Variants in NRXN1 observed in about 807,000 individuals in gnomAD.
NRXN1 encodes neurexin 1.
NRXN1 carries 39 observed loss-of-function variants against 150.9 expected under a neutral mutation model. The observed-to-expected ratio is 0.26, with a 90% CI of 0.20 to 0.34. The LOEUF (loss-of-function observed/expected upper bound fraction) is 0.34. Among genes scored for constraint, NRXN1 ranks in the 10% least tolerant of loss-of-function variants. The probability of loss-of-function intolerance (pLI) is 1.00; values close to 1 mark genes in which losing one functional copy is unlikely to be tolerated. For missense variants in NRXN1, 1,815 were observed against 1,949.9 expected (o/e 0.93, Z 1.30); for synonymous variants, 924 against 757.0 (o/e 1.22, Z -3.62).
At chr2:50,881,692 T>C (rs1044590523) in intron 5 of NRXN1, among the ~76,000 whole-genome samples, 2 of 150,472 alleles carry the variant, frequency 1.3e-5, no homozygotes, top group African/African-American at 4.9e-5. Context: ...AGTGAGGAGG[T>C]TTAAATCTAT....
At chr2:50,823,761 C>T (rs67413472) in intron 5 of NRXN1, among the ~76,000 whole-genome samples, 13,590 of 152,064 alleles carry the variant, frequency 0.089, 719 homozygotes, top group Admixed American at 0.092. Context: ...TTATTTATTG[C>T]TTGATATAAG....
At chr2:50,325,462 T>G (rs769501081) in intron 17 of NRXN1, among the ~76,000 whole-genome samples, 1 of 152,212 alleles carries the variant, frequency 6.6e-6, no homozygotes, top group Non-Finnish European at 1.5e-5. Flanking sequence ...GCTGCTCTAG[T>G]GACAAGCAGT....
At chr2:50,748,089 C>G (rs374751731) in intron 5 of NRXN1, among the ~76,000 whole-genome samples, 1 of 152,184 alleles carries the variant, frequency 6.6e-6, no homozygotes, top group East Asian at 1.9e-4. Flanking sequence ...CAGCTGGGTA[C>G]TGTCCCCACG....
intron 8 of NRXN1, among the ~76,000 whole-genome samples, chr2:50,606,927 AAAAG>A: frequency 6.6e-6 from 1 of 152,262 alleles, no homozygotes; most frequent in South Asian, 2.1e-4. Flanking sequence ...TTCAAAGACA[AAAAG>A]AAAGAGTTTA....
intron 5 of NRXN1, among the ~76,000 whole-genome samples, chr2:50,624,545 T>TA (rs1474143590): frequency 6.6e-6 from 1 of 151,932 alleles, no homozygotes; most frequent in Non-Finnish European, 1.5e-5. Context: ...AATTATCTGG[T>TA]AAGGAGAAAG....
Position 50,593,915 on chromosome 2 carries a change from TA to T in NRXN1, c.1320+26106del, listed in dbSNP as rs1220269839. Among the ~76,000 whole-genome samples, 10 of 152,170 alleles carry T rather than the reference TA, an allele frequency of 6.6e-5. No individual in the cohort carries two copies. In the East Asian group the frequency reaches 1.7e-3, roughly 26 times the overall value. Reference sequence around the variant, plus strand: ...TGATACCTTAGCCTCTGAAAAGGTATAAAAAAAGGTAAAAATTGTAAAAAAG... The same window carrying T: ...TGATACCTTAGCCTCTGAAAAGGTATAAAAAAGGTAAAAATTGTAAAAAAG... On this transcript the variant is annotated intron_variant, in intron 8 of 22. Transcript: ENST00000401669.
At position 50,346,698 on chromosome 2, in the gene NRXN1, G is replaced by C. The variant is rs1448279591; in HGVS notation, c.3365-109728C>G. 1 of 1,613,238 alleles carries C rather than the reference G, an allele frequency of 6.2e-7. No homozygotes were observed. The highest frequency in any genetic ancestry group is 8.5e-7 in the Non-Finnish European group (1 of 1,179,498). ...TTGGCATCGCAGACCCACCGTGTCC[G>C]CCTCGCAAGGATGCCGGTGACCTGT... is the stretch of plus-strand genomic sequence containing the variant. On this transcript the variant is annotated intron_variant, in intron 17 of 22. Transcript: ENST00000401669. This position sits in a 1 kb window ranked among gnomAD's most constrained non-coding sequence, Gnocchi z 5.0.
intron 17 of NRXN1, among the ~76,000 whole-genome samples, chr2:50,415,286 C>G (rs1219396143): frequency 1.3e-5 from 2 of 152,050 alleles, no homozygotes; most frequent in Non-Finnish European, 2.9e-5. Context: ...ATGCACTTTC[C>G]CTTTCACAGA....
intron 18 of NRXN1, among the ~76,000 whole-genome samples, chr2:50,099,716 A>AT (rs1700748803): frequency 6.6e-6 from 1 of 152,162 alleles, no homozygotes; most frequent in Non-Finnish European, 1.5e-5. Context: ...TAGAGGATAC[A>AT]TTTTTAATGA....
At chr2:50,830,050 C>T (rs1039324545) in intron 5 of NRXN1, among the ~76,000 whole-genome samples, 1 of 127,888 alleles carries the variant, frequency 7.8e-6, no homozygotes, top group Non-Finnish European at 1.6e-5. Flanking sequence ...TTCACAAAGT[C>T]TCTGGCTGTG....
intron 8 of NRXN1, among the ~76,000 whole-genome samples, chr2:50,561,179 G>A (rs745829381): frequency 3.9e-5 from 6 of 152,204 alleles, no homozygotes; most frequent in Non-Finnish European, 5.9e-5. Flanking sequence ...AACATTAGGT[G>A]CAATCTGTAG....
At chr2:50,471,403 A>G (rs906634747) in intron 16 of NRXN1, among the ~76,000 whole-genome samples, 5 of 151,850 alleles carry the variant, frequency 3.3e-5, no homozygotes, top group African/African-American at 7.2e-5. Context: ...ATTGGCCTCC[A>G]GTTCCATCCA....
intron 17 of NRXN1, among the ~76,000 whole-genome samples, chr2:50,389,813 C>T (rs548333513): frequency 1.6e-4 from 25 of 152,080 alleles, no homozygotes; most frequent in Non-Finnish European, 3.5e-4. Context: ...ATATACATAT[C>T]GTTAAAAAAG....
At chr2:50,096,177 C>T (rs1700195714) in intron 18 of NRXN1, among the ~76,000 whole-genome samples, 1 of 152,080 alleles carries the variant, frequency 6.6e-6, no homozygotes, top group South Asian at 2.1e-4. Context: ...ACATTATCTA[C>T]TTCACCCCAA....
At chr2:50,218,842 T>C (rs1349283145) in intron 18 of NRXN1, among the ~76,000 whole-genome samples, 2 of 152,166 alleles carry the variant, frequency 1.3e-5, no homozygotes, top group East Asian at 3.9e-4. Flanking sequence ...AATTTAAGAT[T>C]CTATGGATTC....
intron 2 of NRXN1, among the ~76,000 whole-genome samples, chr2:50,977,490 TAAG>T (rs1171425972): frequency 6.6e-6 from 1 of 151,936 alleles, no homozygotes; most frequent in Non-Finnish European, 1.5e-5. Context: ...TATGCCTCAG[TAAG>T]AAGAAGTATG....
chr2:50,345,847 G>T (rs568114700), intron 17 of NRXN1, among the ~76,000 whole-genome samples: 1 of 152,312 alleles, frequency 6.6e-6, no homozygotes, highest in Non-Finnish European at 1.5e-5. Context: ...GCCCTTCCTG[G>T]AAAGCATTAA....
In NRXN1 at chr2:50,086,849, AGC is replaced by A. The variant is rs1491523998; in HGVS notation, c.3718+4472_3718+4473del. On this transcript the variant is annotated intron_variant, in intron 19 of 22. Coordinates refer to ENST00000401669, the MANE Select transcript of NRXN1 (RefSeq NM_001330078.2). The stretch of plus-strand genomic sequence containing the variant: ...GAGAGAGAGAGAGAGAGAGAGAGAG[AGC>A]GAGCCGAAAATGCGGGCATGTCTCT... Among the ~76,000 whole-genome samples the A allele has an allele frequency of 3.2e-3, 444 of 140,862 alleles. 6 individuals carry two copies. Among genetic ancestry groups the A allele is most frequent in the South Asian group, 0.03 (135 of 4,494 alleles). The allele number at this position is 140,862 out of a possible 152,430, so 92.4% of individuals were successfully genotyped here. A position where few individuals can be genotyped will look rare whatever the true frequency, so the allele number is the denominator to read the frequency against.
chr2:50,487,273 T>C (rs2090940672), intron 15 of NRXN1, among the ~76,000 whole-genome samples: 2 of 152,212 alleles, frequency 1.3e-5, no homozygotes, highest in African/African-American at 4.8e-5. Context: ...CACCCAGGTC[T>C]TTCTGACGTC....
Sources: allele counts gnomAD v4.1 joint callset (sites outside exome capture counted in the v4.1 genomes callset), GRCh38; gene constraint gnomAD v4.1.1; non-coding constraint Gnocchi (gnomAD v3.1); transcripts MANE v1.5; gene names NCBI Gene and HGNC (gene_info 2026-07-23, HGNC 2026-07-21).